Variants in SLC9B1 observed in about 807,000 individuals in gnomAD.
SLC9B1 encodes the protein sodium/hydrogen exchanger 9B1.
SLC9B1 carries 32 observed loss-of-function variants against 51.7 expected under a neutral mutation model. The observed-to-expected ratio is 0.62, with a 90% CI of 0.47 to 0.83. SLC9B1 has a LOEUF of 0.83. Among genes scored for constraint, SLC9B1 ranks in the 40% least tolerant of loss-of-function variants. The pLI is 0.00. For synonymous variants in SLC9B1, 145 were observed against 212.7 expected, an observed-to-expected ratio of 0.68 and a Z score of 2.77; for missense variants, 406 against 613.2, an observed-to-expected ratio of 0.66 and a Z score of 3.57.
intron 1 of SLC9B1, among the ~76,000 whole-genome samples, chr4:103,012,991 A>C (rs766147566): frequency 6.6e-6 from 1 of 152,204 alleles, no homozygotes; most frequent in Non-Finnish European, 1.5e-5. Flanking sequence ...TTTCAGCATG[A>C]ATTTTGGAAG....
chr4:102,966,138 G>C (rs1738414914), intron 3 of SLC9B1, among the ~76,000 whole-genome samples: 1 of 152,178 alleles, frequency 6.6e-6, no homozygotes, highest in Non-Finnish European at 1.5e-5. Context: ...TATAGTTCTG[G>C]AGTCCCAGTG....
chr4:102,924,060 C>A (rs1297816565), intron 7 of SLC9B1, among the ~76,000 whole-genome samples: 11 of 152,078 alleles, frequency 7.2e-5, no homozygotes, highest in Non-Finnish European at 1.3e-4. Flanking sequence ...AAACTACTTT[C>A]AAGTTCATAT....
intron 2 of SLC9B1, 88 bp downstream of exon 2, chr4:102,991,555 G>A: frequency 2.3e-6 from 2 of 885,508 alleles, no homozygotes; most frequent in Non-Finnish European, 3.3e-6. Context: ...ATATATAAAA[G>A]AAACCTATCT....
chr4:102,970,681 A>G (rs528418816), intron 3 of SLC9B1, among the ~76,000 whole-genome samples: 1 of 152,174 alleles, frequency 6.6e-6, no homozygotes, highest in East Asian at 2.0e-4. Context: ...CAATTAAAAG[A>G]CACAGACTGG....
intron 3 of SLC9B1, among the ~76,000 whole-genome samples, chr4:102,975,584 A>ATTTTTTTTTTTTTTTT (rs1466561136): frequency 6.2e-5 from 5 of 80,160 alleles, no homozygotes; most frequent in Admixed American, 1.8e-4. Context: ...ATATATATAT[A>ATTTTTTTTTTTTTTTT]TATTTTTTTT....
At chr4:102,980,043 G>A (rs566426032) in intron 3 of SLC9B1, among the ~76,000 whole-genome samples, 2 of 152,276 alleles carry the variant, frequency 1.3e-5, no homozygotes, top group East Asian at 3.9e-4. Flanking sequence ...AAACCACAAT[G>A]ATTTACCATC....
intron 1 of SLC9B1, among the ~76,000 whole-genome samples, chr4:103,014,553 A>G (rs1255902607): frequency 6.6e-6 from 1 of 152,216 alleles, no homozygotes; most frequent in African/African-American, 2.4e-5. Context: ...CTTTTTAGTG[A>G]CTTGTGTTCC....
intron 3 of SLC9B1, among the ~76,000 whole-genome samples, chr4:102,978,472 A>G (rs528141227): frequency 3.8e-4 from 58 of 152,326 alleles, no homozygotes; most frequent in South Asian, 1.2e-3. Flanking sequence ...TTTATAAGAA[A>G]AAAACAAACA....
At chr4:102,952,821 G>A (rs1240620133) in intron 3 of SLC9B1, among the ~76,000 whole-genome samples, 3 of 64,442 alleles carry the variant, frequency 4.7e-5, no homozygotes, top group Non-Finnish European at 8.9e-5. Flanking sequence ...GGGGTTGTTT[G>A]TTTTTTTCTT....
intron 5 of SLC9B1, among the ~76,000 whole-genome samples, chr4:102,946,422 T>G (rs1737270314): frequency 6.6e-6 from 1 of 152,142 alleles, no homozygotes; most frequent in Admixed American, 6.5e-5. Context: ...GCAATTCTCT[T>G]GCCTCAGCCT....
At chr4:102,996,660 C>T (rs1266793480) in intron 1 of SLC9B1, among the ~76,000 whole-genome samples, 1 of 152,164 alleles carries the variant, frequency 6.6e-6, no homozygotes, top group East Asian at 1.9e-4. Context: ...ATATCATCCT[C>T]TATACATTGT....
chr4:102,987,783 T>C (rs1739719134), intron 3 of SLC9B1, among the ~76,000 whole-genome samples: 1 of 152,150 alleles, frequency 6.6e-6, no homozygotes, highest in Non-Finnish European at 1.5e-5. Flanking sequence ...CAATTCAGGT[T>C]TTTGTACCCT....
intron 1 of SLC9B1, among the ~76,000 whole-genome samples, chr4:103,006,585 T>C (rs552441416): frequency 1.3e-4 from 20 of 152,284 alleles, no homozygotes; most frequent in Non-Finnish European, 2.4e-4. Context: ...CCTGGTAGCA[T>C]TCCTACTGAA....
At chr4:102,918,911 C>T (rs1735721317) in intron 7 of SLC9B1, among the ~76,000 whole-genome samples, 2 of 152,156 alleles carry the variant, frequency 1.3e-5, no homozygotes, top group African/African-American at 2.4e-5. Context: ...TACAAATGGC[C>T]AACTAGCATA....
chr4:102,900,551 G>A (rs549193655), downstream of SLC9B1, among the ~76,000 whole-genome samples: 1 of 152,302 alleles, frequency 6.6e-6, no homozygotes, highest in Non-Finnish European at 1.5e-5. Context: ...GGGCATGGCA[G>A]AAGTAAGGAA....
At chr4:102,951,096 T>C (rs570662644) in intron 3 of SLC9B1, among the ~76,000 whole-genome samples, 2 of 152,346 alleles carry the variant, frequency 1.3e-5, no homozygotes, top group South Asian at 4.1e-4. Context: ...CAGTTTGTCT[T>C]AGCTGGTCTC....
intron 3 of SLC9B1, among the ~76,000 whole-genome samples, chr4:102,976,761 A>T (rs1739092949): frequency 6.6e-6 from 1 of 152,220 alleles, no homozygotes; most frequent in African/African-American, 2.4e-5. Flanking sequence ...ATGAAGTGAG[A>T]TATTTTGGCA....
At chr4:102,965,292 TG>T (rs1388384127) in intron 3 of SLC9B1, among the ~76,000 whole-genome samples, 1 of 152,138 alleles carries the variant, frequency 6.6e-6, no homozygotes, top group Non-Finnish European at 1.5e-5. Flanking sequence ...CACCAGTATC[TG>T]CTTAGCTTCT....
chr4:102,920,640 C>A (rs545469027), intron 7 of SLC9B1, among the ~76,000 whole-genome samples: 2 of 152,028 alleles, frequency 1.3e-5, no homozygotes, highest in East Asian at 1.9e-4. Context: ...TGGAACCCAT[C>A]GCAAGGAAGG....
Sources: allele counts gnomAD v4.1 joint callset (sites outside exome capture counted in the v4.1 genomes callset), GRCh38; gene constraint gnomAD v4.1.1; transcripts MANE v1.5; gene names NCBI Gene and HGNC (gene_info 2026-07-23, HGNC 2026-07-21).